TPO: variants seen among roughly 807,000 people sequenced by gnomAD.
The protein encoded by TPO is thyroid peroxidase, also known as thyroid microsomal antigen.
Under a neutral mutation model 96.9 loss-of-function variants are expected in TPO, and 78 were observed. That is an observed-to-expected ratio of 0.81 (90% CI 0.67 to 0.97). The LOEUF is 0.97. TPO is among the 50% of genes least tolerant of loss of function. The probability of loss-of-function intolerance (pLI) is 0.00; values close to 1 mark genes in which losing one functional copy is unlikely to be tolerated. For synonymous variants in TPO, 547 were observed against 538.0 expected (o/e 1.02, Z -0.23); for missense variants, 1,252 against 1,274.8 (o/e 0.98, Z 0.27).
chr2:1,542,357 T>TGTGTGCTGTTAC, intron 16 of TPO, 64 bp from the exon 17 acceptor site: 2 of 1,600,348 alleles, frequency 1.2e-6, no homozygotes, highest in Non-Finnish European at 8.5e-7. Flanking sequence ...TTGTATCAAG[T>TGTGTGCTGTTAC]GTGTGCTGTT....
intron 1 of TPO, among the ~76,000 whole-genome samples, chr2:1,392,434 A>G (rs1050062674): frequency 1.3e-5 from 2 of 152,196 alleles, no homozygotes; most frequent in African/African-American, 2.4e-5. Flanking sequence ...TTTTGCATCT[A>G]TATTCATCAG....
At chr2:1,444,448 T>C (rs1178253583) in intron 5 of TPO, among the ~76,000 whole-genome samples, 1 of 139,594 alleles carries the variant, frequency 7.2e-6, no homozygotes, top group East Asian at 2.4e-4. Context: ...GCTGGCTCCT[T>C]CTTGTTTGTA....
chr2:1,497,364 G>T (rs2124952873), intron 13 of TPO, among the ~76,000 whole-genome samples: 1 of 152,348 alleles, frequency 6.6e-6, no homozygotes, highest in East Asian at 1.9e-4. Context: ...GTCAGCCCAG[G>T]GCACCTGGGA....
At chr2:1,458,571 G>C (rs1027492013) in intron 7 of TPO, among the ~76,000 whole-genome samples, 1 of 151,860 alleles carries the variant, frequency 6.6e-6, no homozygotes, top group South Asian at 2.1e-4. Flanking sequence ...ATATAAGATA[G>C]TGTGTGGACA....
chr2:1,530,730 C>A (rs1573598993), intron 15 of TPO, among the ~76,000 whole-genome samples: 1 of 109,190 alleles, frequency 9.2e-6, no homozygotes, highest in Non-Finnish European at 1.9e-5. Flanking sequence ...CTGTGTGCAA[C>A]CTCCTCAAAT....
At chr2:1,458,245 G>T (rs1388199559) in intron 7 of TPO, among the ~76,000 whole-genome samples, 1 of 129,548 alleles carries the variant, frequency 7.7e-6, no homozygotes, top group Non-Finnish European at 1.7e-5. Flanking sequence ...GTGTATATAG[G>T]ATATAAGATA....
intron 7 of TPO, among the ~76,000 whole-genome samples, chr2:1,473,987 G>A (rs1669673574): frequency 6.6e-6 from 1 of 152,092 alleles, no homozygotes; most frequent in African/African-American, 2.4e-5. Context: ...TTCTCTTACA[G>A]TAGCTTTACC....
At chr2:1,480,232 C>T (rs1414490139) in intron 8 of TPO, among the ~76,000 whole-genome samples, 3 of 152,108 alleles carry the variant, frequency 2.0e-5, no homozygotes, top group African/African-American at 7.2e-5. Flanking sequence ...TTTTACATTT[C>T]ACTTTTGAAT....
At chr2:1,386,384 G>A (rs538387322) in intron 1 of TPO, among the ~76,000 whole-genome samples, 12 of 152,282 alleles carry the variant, frequency 7.9e-5, no homozygotes, top group African/African-American at 2.9e-4. Flanking sequence ...CTTGCTTTAT[G>A]AATCTGGGCG....
intron 15 of TPO, among the ~76,000 whole-genome samples, chr2:1,531,734 C>G (rs561163316): frequency 5.3e-5 from 3 of 56,966 alleles, no homozygotes; most frequent in African/African-American, 2.1e-4. Context: ...CTGCAACCTC[C>G]CCAAATCACC....
intron 8 of TPO, chr2:1,477,894 G>A (rs950194485): frequency 4.0e-5 from 39 of 985,256 alleles, no homozygotes; most frequent in Middle Eastern, 5.2e-4. Flanking sequence ...CCCTCCAGCC[G>A]GCTGGTGATT....
intron 14 of TPO, among the ~76,000 whole-genome samples, chr2:1,510,834 G>C (rs1674029951): frequency 6.6e-6 from 1 of 152,048 alleles, no homozygotes; most frequent in South Asian, 2.1e-4. Context: ...TTTAGATACA[G>C]ATATTGATTA....
At chr2:1,480,853 C>T (rs563163007) in intron 8 of TPO, among the ~76,000 whole-genome samples, 1 of 115,626 alleles carries the variant, frequency 8.6e-6, no homozygotes, top group African/African-American at 2.9e-5. Flanking sequence ...CTCACCATAC[C>T]CACTCTAATT....
chr2:1,446,065 T>A (rs1228546415), intron 5 of TPO, among the ~76,000 whole-genome samples: 1 of 152,056 alleles, frequency 6.6e-6, no homozygotes, highest in East Asian at 1.9e-4. Context: ...GGCTTGGGGG[T>A]GAATCTGGAG....
intron 7 of TPO, among the ~76,000 whole-genome samples, chr2:1,473,380 T>C (rs1374849236): frequency 6.6e-6 from 1 of 152,196 alleles, no homozygotes; most frequent in African/African-American, 2.4e-5. Context: ...TTCTGGGCTC[T>C]CTGTCTTCTT....
intron 16 of TPO, chr2:1,541,113 TTA>T: frequency 2.5e-6 from 3 of 1,193,162 alleles, no homozygotes; most frequent in Non-Finnish European, 2.1e-6. Flanking sequence ...ATGTGTATGT[TTA>T]TGTTTTACCC....
Position 1,477,553 on chromosome 2 carries a change from C to G in TPO, c.1287C>G (p.Ser429Arg), listed in dbSNP as rs1670094821. ...TCAAGGCCCTCAATGCGCACTGGAG[C>G]GCGGACGCCGTGTACCAGGAGGCGC... ...AALKALNAHW[S>R]ADAVYQEARK... is the part of the protein sequence containing the mutation. The change falls in exon 8 of 17, where the codon AGC (serine) becomes AGG (arginine). Residue 429 changes from serine to arginine, a missense_variant. Transcript: ENST00000329066. The G allele has an allele frequency of 6.5e-7, 1 of 1,535,948 alleles. No homozygotes were observed. The highest frequency in any genetic ancestry group is 2.4e-5 in the East Asian group (1 of 41,038).
chr2:1,467,824 C>A (rs1277213432), intron 7 of TPO, among the ~76,000 whole-genome samples: 3 of 151,426 alleles, frequency 2.0e-5, no homozygotes, highest in Non-Finnish European at 1.5e-5. Flanking sequence ...CTGTCTATCT[C>A]ATTTCTCAGT....
intron 1 of TPO, among the ~76,000 whole-genome samples, chr2:1,393,791 AATTATAT>A (rs1365786990): frequency 2.0e-5 from 3 of 152,254 alleles, no homozygotes; most frequent in African/African-American, 7.2e-5. Context: ...TTATGTTTCC[AATTATAT>A]ATTAGAATAC....
Sources: allele counts gnomAD v4.1 joint callset (sites outside exome capture counted in the v4.1 genomes callset), GRCh38; gene constraint gnomAD v4.1.1; transcripts MANE v1.5; gene names NCBI Gene and HGNC (gene_info 2026-07-23, HGNC 2026-07-21).